The following PER2 variants were observed in gnomAD, a reference collection of about 807,000 sequenced individuals.
The protein encoded by PER2 is period circadian protein homolog 2.
A neutral mutation model predicts 121.0 loss-of-function variants in PER2; 66 were observed. The observed-to-expected ratio is 0.55, with a 90% CI of 0.45 to 0.67. PER2 has a LOEUF of 0.67. PER2 is among the 30% of genes least tolerant of loss of function. PER2 has a pLI of 0.00. For synonymous variants in PER2, 684 were observed against 659.9 expected (o/e 1.04, Z -0.56); for missense variants, 1,521 against 1,635.0 (o/e 0.93, Z 1.20).
chr2:238,295,211 G>C, the PER2 span, among the ~76,000 whole-genome samples: 4 of 145,828 alleles, frequency 2.7e-5, no homozygotes, highest in Non-Finnish European at 5.9e-5. Context: ...CAAAGTTGTT[G>C]TTGTTGTTGT....
the PER2 span, among the ~76,000 whole-genome samples, chr2:238,296,780 A>AG: frequency 1.3e-5 from 2 of 152,262 alleles, no homozygotes; most frequent in Admixed American, 6.5e-5. Context: ...TGGCGGCCCC[A>AG]GGGGGGGTTC....
intron 4 of PER2, among the ~76,000 whole-genome samples, chr2:238,274,271 C>G (rs960218868): frequency 6.6e-6 from 1 of 152,222 alleles, no homozygotes; most frequent in Non-Finnish European, 1.5e-5. Context: ...CAGGCGGGAG[C>G]AAAGGGGCCA....
At chr2:238,255,991 ACAAATCATT>A (rs1330118219) in intron 17 of PER2, 80 bp from the exon 18 acceptor site, 21 of 1,538,736 alleles carry the variant, frequency 1.4e-5, no homozygotes, top group African/African-American at 1.2e-4. Flanking sequence ...CACGAACAAG[ACAAATCATT>A]CACGTATAAA....
chr2:238,277,009 C>A, intron 3 of PER2, 122 bp downstream of exon 3: 1 of 799,580 alleles, frequency 1.3e-6, no homozygotes. Flanking sequence ...ACCCACATAG[C>A]CACACAGATG....
chr2:238,292,074 C>T (rs561454652), upstream of PER2, among the ~76,000 whole-genome samples: 1 of 152,302 alleles, frequency 6.6e-6, no homozygotes, highest in East Asian at 1.9e-4. Context: ...AGGAGGATCC[C>T]TTGAGGCCAG....
At chr2:238,255,443 A>T (rs937046744) in intron 18 of PER2, 1 of 628,864 alleles carries the variant, frequency 1.6e-6, no homozygotes, top group African/African-American at 1.8e-5. Context: ...GCCTGGGACT[A>T]TTCCCCAGGG....
Position 238,252,875 on chromosome 2 carries a change from T to C in PER2, c.3111+37A>G. 1 of 1,590,908 alleles carries C rather than the reference T, an allele frequency of 6.3e-7. No homozygotes were observed. Among genetic ancestry groups the C allele is most frequent in the Middle Eastern group, 2.1e-4 (1 of 4,696 alleles). On this transcript the variant is annotated intron_variant, in intron 19 of 22. Transcript: ENST00000254657. This position sits in a 1 kb window ranked among gnomAD's most constrained non-coding sequence, Gnocchi z 4.2. Reference sequence around the variant, plus strand: ...CCGGCCTGCCAGGTGTGCTGTTTGCTGCCTGCTTTGGGGAAAGAGCATCAG... The same window carrying C: ...CCGGCCTGCCAGGTGTGCTGTTTGCCGCCTGCTTTGGGGAAAGAGCATCAG...
intron 21 of PER2, 130 bp downstream of exon 21, chr2:238,250,421 C>T: frequency 1.4e-6 from 1 of 719,428 alleles, no homozygotes; most frequent in South Asian, 1.5e-5. Flanking sequence ...TGCTTCTCTG[C>T]TGCACTCAGC....
intron 20 of PER2, among the ~76,000 whole-genome samples, chr2:238,251,240 T>TC (rs1288817279): frequency 1.3e-5 from 2 of 152,174 alleles, no homozygotes; most frequent in African/African-American, 2.4e-5. Context: ...ATGTGAAAGA[T>TC]CCCAGCGGGT....
chr2:238,285,350 G>A (rs1468324399), intron 1 of PER2, among the ~76,000 whole-genome samples: 1 of 152,172 alleles, frequency 6.6e-6, no homozygotes, highest in Non-Finnish European at 1.5e-5. Flanking sequence ...TGGTGGGGGT[G>A]GGGAAGGAGT....
In PER2 at chr2:238,288,503, C is replaced by G. The variant is rs972251580; in HGVS notation, c.-174G>C. On this transcript the variant is annotated 5_prime_UTR_variant, in exon 1 of 23. Coordinates refer to ENST00000254657, the MANE Select transcript of PER2 (RefSeq NM_022817.3). ...ACACGCCCCCACGCCGGCGCCGTTT[C>G]AAGCCGAGGAGTCCAGCAGCCCAAG... is the stretch of plus-strand genomic sequence containing the variant. The G allele has an allele frequency of 1.3e-5, 2 of 152,154 alleles. No individual in the cohort carries two copies. Among genetic ancestry groups the G allele is most frequent in the African/African-American group, 2.4e-5 (1 of 41,450 alleles). 9.4% of individuals were successfully genotyped at this position (152,154 alleles called of 1,614,324 possible). A position where few individuals can be genotyped will look rare whatever the true frequency, so the allele number is the denominator to read the frequency against.
chr2:238,246,464 T>C lies in PER2; in HGVS notation c.3679A>G (p.Ile1227Val), dbSNP rs78614149. The change falls in exon 23 of 23, where the codon ATT becomes GTT. Residue 1227 changes from isoleucine (I) to valine (V), a missense_variant. By Grantham distance (29) the Ile-to-Val change is conservative. Transcript: ENST00000254657. ...GNICIPYEEDIPSLGLSEVSD... is the reference protein window; with the variant it reads ...GNICIPYEEDVPSLGLSEVSD... The stretch of plus-strand genomic sequence containing the variant: ...ACTTCGCTGAGTCCCAGAGAAGGAA[T>C]ATCTTCCTCATATGGTATGCAAATA... The C allele has an allele frequency of 6.3e-7, 1 of 1,593,818 alleles. No homozygotes were observed. The highest frequency in any genetic ancestry group is 2.2e-5 in the East Asian group (1 of 44,774).
chr2:238,261,460 G>C, intron 12 of PER2: 1 of 523,980 alleles, frequency 1.9e-6, no homozygotes, highest in African/African-American at 1.9e-5. Context: ...GCCTGTGTCA[G>C]AGCACGGGGT....
chr2:238,279,362 C>A (rs973496895), intron 1 of PER2, among the ~76,000 whole-genome samples: 7 of 152,160 alleles, frequency 4.6e-5, no homozygotes, highest in African/African-American at 1.7e-4. Flanking sequence ...CTACATGGTG[C>A]GCAGGAGATC....
chr2:238,255,735 T>G lies in PER2; in HGVS notation c.2242A>C (p.Ile748Leu), dbSNP rs377020314. 1.2e-6 allele frequency: 2 copies of G among 1,614,144 alleles called. No homozygotes were observed. Among genetic ancestry groups the G allele is most frequent in the Non-Finnish European group, 1.7e-6 (2 of 1,180,046 alleles). ...GACTGGAAAATGCTGAGTTTTCTTATTTCTTTGAACTTCTGCAGGAAGCTC... is the reference window on the plus strand; with the variant it reads ...GACTGGAAAATGCTGAGTTTTCTTAGTTCTTTGAACTTCTGCAGGAAGCTC... ...EQSFLQKFKE[I>L]RKLSIFQSHC... Residue 748 changes from isoleucine (I) to leucine (L), a missense_variant, in exon 18 of 23, where the codon ATA becomes CTA. By Grantham distance (5) the Ile-to-Leu change is conservative. Transcript: ENST00000254657.
chr2:238,257,791 C>T (rs1695807656), intron 16 of PER2, among the ~76,000 whole-genome samples: 1 of 152,222 alleles, frequency 6.6e-6, no homozygotes, highest in South Asian at 2.1e-4. Flanking sequence ...CATTTCTAAT[C>T]CTGGTGGTGA....
rs1026650472 is a variant in PER2 at position 238,259,617 on chromosome 2, G to C, written c.1627+352C>G. Among the ~76,000 whole-genome samples the C allele has an allele frequency of 5.3e-5, 8 of 152,238 alleles. 1 individual carries two copies. The highest frequency in any genetic ancestry group is 4.6e-4 in the Admixed American group (7 of 15,292). On this transcript the variant is annotated intron_variant, in intron 14 of 22. Coordinates refer to ENST00000254657, the MANE Select transcript of PER2 (RefSeq NM_022817.3). Reference sequence around the variant, plus strand: ...CACAGCCATACAGCTACTCTGTACAGCAAGAACAAGCGGCCCAGGCCGTGG... The same window carrying C: ...CACAGCCATACAGCTACTCTGTACACCAAGAACAAGCGGCCCAGGCCGTGG...
rs745714863 is a variant in PER2, at chr2:238,258,331, C to T, written c.1845G>A (p.Ala615=). 16 of 1,614,086 alleles carry T rather than the reference C, an allele frequency of 9.9e-6. No homozygotes were observed. Among genetic ancestry groups the T allele is most frequent in the Admixed American group, 3.3e-5 (2 of 60,004 alleles). The change falls in exon 16 of 23, where the codon GCG becomes GCA. Residue 615 remains alanine (A), a synonymous_variant. Transcript: ENST00000254657. The part of the protein sequence containing the change: ...RKCEFPANVP[A]LRSSDKRKAT... ...CCTTCCGCTTATCACTGGACCTTAG[C>T]GCTGGGACGTTTGCTGGGAACTCGC...
At chr2:238,295,467 A>G in the PER2 span, 1 of 152,198 alleles carries the variant, frequency 6.6e-6, no homozygotes, top group African/African-American at 2.4e-5. Context: ...CCCTGGCCTC[A>G]AATCGTCCCC....
Sources: gnomAD v4.1 joint callset for allele counts (sites outside exome capture counted in the v4.1 genomes callset) on GRCh38, gnomAD v4.1.1 for gene constraint, Gnocchi (gnomAD v3.1) non-coding constraint, MANE v1.5 for transcripts, NCBI Gene and HGNC (gene_info 2026-07-23, HGNC 2026-07-21) for gene names.